Variants in LUZP2 observed in about 807,000 individuals in gnomAD.
The protein encoded by LUZP2 is leucine zipper protein 2.
In LUZP2, 52 loss-of-function variants were observed where a neutral mutation model predicts 51.6. The observed-to-expected ratio is 1.01, with a 90% confidence interval of 0.81 to 1.27. LUZP2 has a LOEUF of 1.27. LUZP2 is among the 50% of genes most tolerant of loss of function. LUZP2 has a pLI of 0.00. For synonymous variants in LUZP2, 154 were observed against 137.3 expected, an observed-to-expected ratio of 1.12 and a Z score of -0.85; for missense variants, 436 against 395.4, an observed-to-expected ratio of 1.10 and a Z score of -0.87.
intron 1 of LUZP2, among the ~76,000 whole-genome samples, chr11:24,630,677 T>A (rs555943376): frequency 0.21 from 30,954 of 148,056 alleles, 3,589 homozygotes; most frequent in African/African-American, 0.32. Flanking sequence ...TTCCGACTTT[T>A]TTTTTTTTTT....
intron 7 of LUZP2, among the ~76,000 whole-genome samples, chr11:24,960,997 G>C (rs1357170416): frequency 1.3e-5 from 2 of 151,886 alleles, no homozygotes; most frequent in Non-Finnish European, 2.9e-5. Flanking sequence ...CCTTCATTTC[G>C]TTATGTACCC....
chr11:24,576,636 A>G (rs185948691), intron 1 of LUZP2, among the ~76,000 whole-genome samples: 1 of 152,038 alleles, frequency 6.6e-6, no homozygotes, highest in African/African-American at 2.4e-5. Context: ...AATGCCAAAC[A>G]TTCTATTTTT....
chr11:24,899,518 A>G (rs1310899138), intron 5 of LUZP2, among the ~76,000 whole-genome samples: 1 of 152,122 alleles, frequency 6.6e-6, no homozygotes, highest in African/African-American at 2.4e-5. Context: ...TCGCCAGACT[A>G]TATAAAAATA....
chr11:24,941,684 A>G (rs1304160199), intron 7 of LUZP2, among the ~76,000 whole-genome samples: 5 of 152,202 alleles, frequency 3.3e-5, no homozygotes, highest in Non-Finnish European at 5.9e-5. Flanking sequence ...AACACCTCAC[A>G]TGCTCTGAAT....
In LUZP2 at chr11:24,896,577, C is replaced by T. The variant is rs377260065; in HGVS notation, c.397-9414C>T. ...CTCCCATGCCCCAGCCTCCTCACCC[C>T]GCCTCCCCCCATGGGATACCGCATG... On this transcript the variant is annotated intron_variant, in intron 5 of 11. Transcript: ENST00000336930. 2.8e-3 allele frequency among the ~76,000 whole-genome samples: 420 copies of T among 152,250 alleles called. 2 individuals are homozygous for T. Among genetic ancestry groups the T allele is most frequent in the African/African-American group, 9.7e-3 (401 of 41,554 alleles).
chr11:24,769,439 G>A (rs79752409), intron 5 of LUZP2, among the ~76,000 whole-genome samples: 12,205 of 152,166 alleles, frequency 0.08, 1,061 homozygotes, highest in African/African-American at 0.22. Flanking sequence ...TAGATATGCT[G>A]ATTACTCTGA....
chr11:24,637,756 C>T (rs1855153936), intron 1 of LUZP2, among the ~76,000 whole-genome samples: 1 of 151,838 alleles, frequency 6.6e-6, no homozygotes, highest in Non-Finnish European at 1.5e-5. Context: ...GTTCTGTGCT[C>T]TTGCACCCTG....
At chr11:25,053,598 A>C (rs1241498023) in intron 10 of LUZP2, among the ~76,000 whole-genome samples, 9 of 151,806 alleles carry the variant, frequency 5.9e-5, no homozygotes, top group Admixed American at 5.2e-4. Flanking sequence ...AGCCTCAGGC[A>C]ACCAAAAACA....
intron 7 of LUZP2, among the ~76,000 whole-genome samples, chr11:24,959,513 A>G (rs1015369160): frequency 3.3e-5 from 5 of 152,146 alleles, no homozygotes; most frequent in African/African-American, 1.2e-4. Flanking sequence ...TTCTCTTTGA[A>G]GCAATTGTGA....
At chr11:24,523,880 A>T (rs1666504917) in intron 1 of LUZP2, among the ~76,000 whole-genome samples, 1 of 151,838 alleles carries the variant, frequency 6.6e-6, no homozygotes, top group African/African-American at 2.4e-5. Flanking sequence ...TTTTATATTT[A>T]AGTAAAGAAA....
chr11:24,875,914 T>C (rs1177080387), intron 5 of LUZP2, among the ~76,000 whole-genome samples: 2 of 151,246 alleles, frequency 1.3e-5, no homozygotes, highest in East Asian at 3.9e-4. Flanking sequence ...TTGAGAAGTG[T>C]CTGTTCATGT....
chr11:24,713,912 T>C (rs1590386655), intron 1 of LUZP2, among the ~76,000 whole-genome samples: 1 of 137,740 alleles, frequency 7.3e-6, no homozygotes, highest in Non-Finnish European at 1.5e-5. Context: ...GCTAGGCTGG[T>C]CTTGAACTCC....
intron 1 of LUZP2, among the ~76,000 whole-genome samples, chr11:24,717,522 C>A (rs1179402133): frequency 6.6e-6 from 1 of 151,606 alleles, no homozygotes; most frequent in African/African-American, 2.4e-5. Context: ...ATTCTCCTGC[C>A]TCAGCTTTCC....
At chr11:24,921,461 G>A (rs1289864210) in intron 7 of LUZP2, among the ~76,000 whole-genome samples, 2 of 152,212 alleles carry the variant, frequency 1.3e-5, no homozygotes, top group East Asian at 1.9e-4. Flanking sequence ...CACAGGTGGC[G>A]ACAAGGAGAA....
intron 1 of LUZP2, among the ~76,000 whole-genome samples, chr11:24,621,879 AT>A (rs1854506156): frequency 6.6e-6 from 1 of 151,654 alleles, no homozygotes. Flanking sequence ...TCCTTTTCTT[AT>A]TTTTTATAAT....
intron 1 of LUZP2, among the ~76,000 whole-genome samples, chr11:24,535,084 C>T (rs1173797384): frequency 6.6e-6 from 1 of 150,622 alleles, no homozygotes; most frequent in Non-Finnish European, 1.5e-5. Context: ...ATTAAGTGTG[C>T]AATATCATTA....
intron 1 of LUZP2, among the ~76,000 whole-genome samples, chr11:24,722,008 T>C (rs569632330): frequency 6.6e-6 from 1 of 152,264 alleles, no homozygotes; most frequent in Non-Finnish European, 1.5e-5. Context: ...AATTTATTTA[T>C]AAAAAATGGC....
At chr11:24,743,861 T>C (rs1390770704) in intron 4 of LUZP2, among the ~76,000 whole-genome samples, 1 of 152,092 alleles carries the variant, frequency 6.6e-6, no homozygotes, top group East Asian at 1.9e-4. Flanking sequence ...TTGAGGTATG[T>C]CCCTTGTATG....
At chr11:24,776,474 A>G (rs1345284411) in intron 5 of LUZP2, among the ~76,000 whole-genome samples, 1 of 152,202 alleles carries the variant, frequency 6.6e-6, no homozygotes, top group African/African-American at 2.4e-5. Context: ...TTCATTATAG[A>G]AGAGTACCTG....
Sources: gnomAD v4.1 joint callset for allele counts (sites outside exome capture counted in the v4.1 genomes callset) on GRCh38, gnomAD v4.1.1 for gene constraint, MANE v1.5 for transcripts, NCBI Gene and HGNC (gene_info 2026-07-23, HGNC 2026-07-21) for gene names.